FHIT: variants seen among roughly 807,000 people sequenced by gnomAD.
FHIT encodes fragile histidine triad diadenosine triphosphatase.
FHIT carries 19 observed loss-of-function variants against 17.9 expected under a neutral mutation model. That is an observed-to-expected ratio of 1.06 (90% CI 0.74 to 1.56). The LOEUF is 1.56. Ranked by LOEUF, FHIT falls within the 40% of genes most tolerant of loss-of-function variation. The pLI is 0.00. For missense variants in FHIT, 248 were observed against 189.2 expected, an observed-to-expected ratio of 1.31 and a Z score of -1.82; for synonymous variants, 81 against 69.7, an observed-to-expected ratio of 1.16 and a Z score of -0.81.
chr3:60,484,032 C>G (rs1423948978), intron 5 of FHIT, among the ~76,000 whole-genome samples: 4 of 151,928 alleles, frequency 2.6e-5, no homozygotes, highest in African/African-American at 9.7e-5. Context: ...TTTACACCAA[C>G]AATAGACAAG....
intron 5 of FHIT, among the ~76,000 whole-genome samples, chr3:60,411,081 G>A (rs1164491339): frequency 1.3e-5 from 2 of 152,170 alleles, no homozygotes; most frequent in East Asian, 3.9e-4. Context: ...ATCTAAAATG[G>A]TATGTTATAT....
intron 5 of FHIT, among the ~76,000 whole-genome samples, chr3:60,378,493 G>A (rs1053694183): frequency 5.9e-5 from 9 of 152,146 alleles, no homozygotes; most frequent in Non-Finnish European, 7.3e-5. Context: ...AGTAGATCTA[G>A]AGACATTTAA....
chr3:60,143,866 T>C (rs1459964452), intron 5 of FHIT, among the ~76,000 whole-genome samples: 1 of 152,170 alleles, frequency 6.6e-6, no homozygotes, highest in Non-Finnish European at 1.5e-5. Flanking sequence ...TAAATAAAGG[T>C]TGAGGTCATA....
At chr3:60,860,637 TG>T (rs1210727988) in intron 3 of FHIT, among the ~76,000 whole-genome samples, 3 of 98,616 alleles carry the variant, frequency 3.0e-5, no homozygotes, top group Non-Finnish European at 4.3e-5. Context: ...CAGGTATATA[TG>T]ATACATATGT....
intron 5 of FHIT, among the ~76,000 whole-genome samples, chr3:60,199,564 A>G (rs1007206537): frequency 9.2e-5 from 14 of 152,116 alleles, no homozygotes; most frequent in African/African-American, 3.1e-4. Flanking sequence ...AAGAGGGGTA[A>G]TAGCGAGAGA....
chr3:59,798,611 G>A (rs1461278271), intron 8 of FHIT, among the ~76,000 whole-genome samples: 1 of 152,244 alleles, frequency 6.6e-6, no homozygotes. Flanking sequence ...GCTTGCTAAT[G>A]TACACAAAGA....
intron 5 of FHIT, among the ~76,000 whole-genome samples, chr3:60,522,721 C>T (rs1182593768): frequency 6.6e-6 from 1 of 152,192 alleles, no homozygotes. Context: ...GAAGAATTCA[C>T]AGAAAATCGC....
chr3:60,356,114 G>A (rs914632515), intron 5 of FHIT, among the ~76,000 whole-genome samples: 2 of 152,166 alleles, frequency 1.3e-5, no homozygotes, highest in Non-Finnish European at 2.9e-5. Flanking sequence ...ACATAATCAT[G>A]AAATAATTTT....
rs550689474 is a variant in FHIT, at chr3:60,766,844, T to G, written c.-18+55075A>C. Among the ~76,000 whole-genome samples the G allele has an allele frequency of 9.1e-4, 139 of 152,236 alleles. 1 individual carries two copies. The highest frequency in any genetic ancestry group is 1.7e-3 in the Non-Finnish European group (114 of 68,032). On this transcript the variant is annotated intron_variant, in intron 4 of 9. Transcript: ENST00000492590. ...CACAGAGATAAGCAAGACAAGATCC[T>G]TATCCCTGAAGAAGTCACAGTTCAG...
chr3:60,958,532 T>A (rs1709275205), intron 3 of FHIT, among the ~76,000 whole-genome samples: 1 of 152,246 alleles, frequency 6.6e-6, no homozygotes, highest in Admixed American at 6.5e-5. Context: ...TTATCATTGG[T>A]AACTGGACTC....
At position 60,777,398 on chromosome 3, in the gene FHIT, G is replaced by A. The variant is rs568688325; in HGVS notation, c.-18+44521C>T. 1.3e-4 allele frequency among the ~76,000 whole-genome samples: 20 copies of A among 152,336 alleles called. No homozygotes were observed. In the South Asian group the frequency reaches 2.5e-3, roughly 19 times the overall value. ...AAATTTAAACATTTTTCTGGATGAC[G>A]GTTGAGTTTATCTGAAGACCTGGGA... On this transcript the variant is annotated intron_variant, in intron 4 of 9. Transcript: ENST00000492590.
intron 1 of FHIT, among the ~76,000 whole-genome samples, chr3:61,210,509 G>T (rs987590507): frequency 2.5e-4 from 38 of 152,194 alleles, no homozygotes; most frequent in Non-Finnish European, 3.5e-4. Context: ...GCAATGGCAG[G>T]CGCCCCTCCC....
At chr3:60,537,236 T>C (rs2036016782) in intron 4 of FHIT, among the ~76,000 whole-genome samples, 1 of 152,000 alleles carries the variant, frequency 6.6e-6, no homozygotes, top group African/African-American at 2.4e-5. Flanking sequence ...ATAAAACAGC[T>C]TTTCCCCTTC....
At chr3:61,060,756 T>C (rs2034399368) in intron 2 of FHIT, among the ~76,000 whole-genome samples, 1 of 152,256 alleles carries the variant, frequency 6.6e-6, no homozygotes, top group Non-Finnish European at 1.5e-5. Flanking sequence ...CACAGATGTA[T>C]GCGGACAGAT....
chr3:61,119,936 G>A (rs2036407892), intron 2 of FHIT, among the ~76,000 whole-genome samples: 2 of 152,166 alleles, frequency 1.3e-5, no homozygotes, highest in Non-Finnish European at 2.9e-5. Context: ...CTTGCAGACG[G>A]CAGATCATGG....
In FHIT at chr3:59,960,085, G is replaced by A. The variant is rs527375948; in HGVS notation, c.280-37671C>T. On this transcript the variant is annotated intron_variant, in intron 7 of 9. Transcript: ENST00000492590. ...GGTGGACCATATTAAGGTGCATAGG[G>A]TGGCAGTGGAAACCACTGAAAAATT... is the stretch of plus-strand genomic sequence containing the variant. 2.2e-4 allele frequency among the ~76,000 whole-genome samples: 33 copies of A among 152,268 alleles called. 1 individual carries two copies. Among genetic ancestry groups the A allele is most frequent in the Admixed American group, 1.5e-3 (23 of 15,296 alleles).
At chr3:59,979,543 T>A (rs963504059) in intron 7 of FHIT, among the ~76,000 whole-genome samples, 1 of 152,102 alleles carries the variant, frequency 6.6e-6, no homozygotes, top group African/African-American at 2.4e-5. Flanking sequence ...GGGACATTTT[T>A]TTTCCTATGG....
intron 5 of FHIT, among the ~76,000 whole-genome samples, chr3:60,195,653 TAC>T (rs570764651): frequency 2.0e-5 from 3 of 146,762 alleles, no homozygotes; most frequent in African/African-American, 7.6e-5. Context: ...ATGATATATA[TAC>T]ACACATATAT....
chr3:60,390,396 T>TGAAAAAA (rs1701174274), intron 5 of FHIT, among the ~76,000 whole-genome samples: 15 of 32,026 alleles, frequency 4.7e-4, no homozygotes, highest in African/African-American at 1.7e-3. Context: ...GTAATGGAGC[T>TGAAAAAA]AAAAAAAAAA....
Sources: allele counts gnomAD v4.1 joint callset (sites outside exome capture counted in the v4.1 genomes callset), GRCh38; gene constraint gnomAD v4.1.1; transcripts MANE v1.5; gene names NCBI Gene and HGNC (gene_info 2026-07-23, HGNC 2026-07-21).